The following TNS1 variants were observed in gnomAD, a reference collection of about 807,000 sequenced individuals.
TNS1 encodes tensin-1.
A neutral mutation model predicts 168.6 loss-of-function variants in TNS1; 62 were observed. That is an observed-to-expected ratio of 0.37 (90% CI 0.30 to 0.45). The LOEUF is 0.45. TNS1 is among the 20% of genes least tolerant of loss of function. TNS1 has a pLI of 1.00. For missense variants in TNS1, 2,240 were observed against 2,339.4 expected (o/e 0.96, Z 0.88); for synonymous variants, 934 against 933.2 (o/e 1.00, Z -0.02).
intron 22 of TNS1, among the ~76,000 whole-genome samples, chr2:217,828,569 C>G (rs1025596020): frequency 6.6e-6 from 1 of 152,196 alleles, no homozygotes; most frequent in Non-Finnish European, 1.5e-5. Context: ...GCCTCCCGCC[C>G]AGGCTGGCAC....
intron 18 of TNS1, among the ~76,000 whole-genome samples, chr2:217,855,061 C>A (rs950187586): frequency 6.6e-6 from 1 of 152,152 alleles, no homozygotes; most frequent in African/African-American, 2.4e-5. Flanking sequence ...CCTGGCATAT[C>A]CAAGCACTCT....
intron 18 of TNS1, among the ~76,000 whole-genome samples, chr2:217,870,855 G>A (rs149919375): frequency 1.1e-3 from 171 of 152,318 alleles, no homozygotes; most frequent in Admixed American, 2.2e-3. Context: ...AGCGCTGCTC[G>A]ACAGAGAACA....
intron 30 of TNS1, 52 bp downstream of exon 30, chr2:217,809,771 G>A (rs1940479195): frequency 6.4e-7 from 1 of 1,561,894 alleles, no homozygotes; most frequent in Non-Finnish European, 8.8e-7. Flanking sequence ...CGGATGAATA[G>A]ATGAGTCACA....
chr2:217,998,615 C>T (rs747311113), intron 1 of TNS1, among the ~76,000 whole-genome samples: 1 of 152,196 alleles, frequency 6.6e-6, no homozygotes, highest in Non-Finnish European at 1.5e-5. Flanking sequence ...ATCCTTCCAC[C>T]TCAGCCTCCA....
At chr2:217,841,130 A>G (rs1276888772) in intron 19 of TNS1, 1 of 768,886 alleles carries the variant, frequency 1.3e-6, no homozygotes, top group Non-Finnish European at 1.6e-6. Context: ...AGAAGGAGTG[A>G]AAAGAAACTG....
chr2:217,958,030 A>ACACACACACACACACACAC (rs1559387621), intron 3 of TNS1, among the ~76,000 whole-genome samples: 2 of 100,612 alleles, frequency 2.0e-5, no homozygotes, highest in African/African-American at 1.2e-4. Flanking sequence ...CACACACACA[A>ACACACACACACACACACAC]AAGGAGGAGC....
At chr2:217,890,829 G>A in intron 12 of TNS1, 133 bp downstream of exon 12, 1 of 884,322 alleles carries the variant, frequency 1.1e-6, no homozygotes, top group Admixed American at 2.1e-5. Context: ...CTGCAGGCTG[G>A]CATCTGAAAA....
chr2:217,888,850 G>A (rs1951473387), intron 12 of TNS1, among the ~76,000 whole-genome samples: 1 of 152,192 alleles, frequency 6.6e-6, no homozygotes, highest in Non-Finnish European at 1.5e-5. Context: ...GCATGAAAAT[G>A]GACTAATACA....
Position 217,995,875 on chromosome 2 carries a change from C to G in TNS1, c.34-4819G>C, listed in dbSNP as rs1437982318. Among the ~76,000 whole-genome samples the G allele has an allele frequency of 6.6e-6, 1 of 152,226 alleles. No homozygotes were observed. The highest frequency in any genetic ancestry group is 1.5e-5 in the Non-Finnish European group (1 of 68,040). ...CCTCCAAGCCCAGAGCTCTAGCCCC[C>G]ACCCTGCCACCAGCCCACCCAGCAT... On this transcript the variant is annotated intron_variant, in intron 1 of 32. Coordinates refer to ENST00000682258, the MANE Select transcript of TNS1 (RefSeq NM_001387777.1). The surrounding 1 kb of genome is among the most constrained non-coding windows in gnomAD (Gnocchi z 4.1).
chr2:218,027,278 C>A (rs1000999703), intron 1 of TNS1, among the ~76,000 whole-genome samples: 1 of 152,010 alleles, frequency 6.6e-6, no homozygotes, highest in Non-Finnish European at 1.5e-5. Flanking sequence ...ACGGCCTACA[C>A]GATAAGTGTA....
intron 3 of TNS1, among the ~76,000 whole-genome samples, chr2:217,941,541 G>T (rs1956912174): frequency 6.6e-6 from 1 of 152,128 alleles, no homozygotes; most frequent in Non-Finnish European, 1.5e-5. Flanking sequence ...GAAGGAGGGG[G>T]CCCCTGCGAG....
At position 218,033,728 on chromosome 2, in the gene TNS1, G is replaced by A. The variant is rs1472007228; in HGVS notation, c.156+92C>T. Among the ~76,000 whole-genome samples the A allele has an allele frequency of 1.3e-5, 2 of 152,170 alleles. No homozygotes were observed. The highest frequency in any genetic ancestry group is 4.8e-5 in the African/African-American group (2 of 41,446). On this transcript the variant is annotated intron_variant, in intron 1 of 1. Transcript: ENST00000649572. This position sits in a 1 kb window ranked among gnomAD's most constrained non-coding sequence, Gnocchi z 4.3. ...AAGCAGACTAGCACCGTCCTGGGCT[G>A]GCTACTTAACCTGTGTCAGGTGCCC... is the stretch of plus-strand genomic sequence containing the variant.
chr2:217,946,961 T>TCA lies in TNS1; in HGVS notation c.187-26726_187-26725insTG, dbSNP rs1363329507. On this transcript the variant is annotated intron_variant, in intron 3 of 32. Transcript: ENST00000682258. ...CGCTCTCTCTCTCTCTCTCTCTCTC[T>TCA]CTCTCTCTCACACACACACACACAC... Among the ~76,000 whole-genome samples the TCA allele has an allele frequency of 1.3e-3, 171 of 133,924 alleles. 2 individuals are homozygous for TCA. The highest frequency in any genetic ancestry group is 4.8e-3 in the African/African-American group (135 of 28,292). 87.9% of individuals were successfully genotyped at this position (133,924 alleles called of 152,430 possible). A position where few individuals can be genotyped will look rare whatever the true frequency, so the allele number is the denominator to read the frequency against.
intron 3 of TNS1, among the ~76,000 whole-genome samples, chr2:217,953,324 G>T (rs1029250092): frequency 2.0e-5 from 3 of 152,326 alleles, no homozygotes; most frequent in Non-Finnish European, 2.9e-5. Context: ...GGACCCCATG[G>T]GTGACTGTTT....
At chr2:217,829,837 T>C (rs1411076575) in intron 22 of TNS1, 1 of 1,614,074 alleles carries the variant, frequency 6.2e-7, no homozygotes, top group South Asian at 1.1e-5. Flanking sequence ...CAGCAAATGC[T>C]ACTTACCTTC....
chr2:218,020,558 G>T (rs1386990203), intron 1 of TNS1, among the ~76,000 whole-genome samples: 1 of 151,836 alleles, frequency 6.6e-6, no homozygotes, highest in East Asian at 1.9e-4. Context: ...CCCAAAGGCT[G>T]AGGATTGGTG....
chr2:217,873,451 C>G (rs971739897), intron 18 of TNS1, among the ~76,000 whole-genome samples: 3 of 152,180 alleles, frequency 2.0e-5, no homozygotes, highest in African/African-American at 7.2e-5. Context: ...ATGTGAAAGA[C>G]AGGGGCCTAA....
intron 3 of TNS1, among the ~76,000 whole-genome samples, chr2:217,927,559 GTA>G (rs1411998657): frequency 2.6e-5 from 4 of 152,176 alleles, no homozygotes; most frequent in African/African-American, 9.7e-5. Flanking sequence ...AAGCAAGGAT[GTA>G]TAGTCACATT....
In TNS1 at chr2:217,818,123, G is replaced by C; in HGVS notation, c.4209C>G (p.Ser1403Arg). 6.2e-7 allele frequency: 1 copy of C among 1,614,030 alleles called. No homozygotes were observed. The highest frequency in any genetic ancestry group is 8.5e-7 in the Non-Finnish European group (1 of 1,179,988). The change falls in exon 24 of 33, where the codon AGC becomes AGG. Residue 1403 changes from serine (S) to arginine (R), a missense_variant. Ser to Arg is a moderately radical substitution (Grantham distance 110). This residue lies in a region of TNS1 where 2,131 missense variants were observed against 2,171.2 expected (regional missense o/e 0.98). Coordinates refer to ENST00000682258, the MANE Select transcript of TNS1 (RefSeq NM_001387777.1). ...SNAIASPGSP[S>R]LGRHLGGSGS... ...CAGACCCTCCGAGGTGACGGCCCAG[G>C]CTGGGGCTTCCAGGGCTGGCTATTG... is the stretch of plus-strand genomic sequence containing the variant.
Sources: gnomAD v4.1 joint callset for allele counts (sites outside exome capture counted in the v4.1 genomes callset) on GRCh38, gnomAD v4.1.1 for gene constraint, gnomAD v4.1.1 regional missense constraint, Gnocchi (gnomAD v3.1) non-coding constraint, MANE v1.5 for transcripts, NCBI Gene and HGNC (gene_info 2026-07-23, HGNC 2026-07-21) for gene names.